QKI: variants seen among roughly 807,000 people sequenced by gnomAD.
QKI encodes KH domain-containing RNA-binding protein QKI.
Under a neutral mutation model 39.0 loss-of-function variants are expected in QKI, and 10 were observed. The ratio of observed to expected loss-of-function variants is 0.26; its 90% CI spans 0.16 to 0.43. The LOEUF (loss-of-function observed/expected upper bound fraction) is 0.43. Ranked by LOEUF, QKI falls within the 20% of genes least tolerant of loss-of-function variation. The probability of loss-of-function intolerance (pLI) is 1.00; values close to 1 mark genes in which losing one functional copy is unlikely to be tolerated. For missense variants in QKI, 218 were observed against 428.0 expected (o/e 0.51, Z 4.33); for synonymous variants, 204 against 155.4 (o/e 1.31, Z -2.33).
chr6:163,474,787 TAAA>T (rs35897463), intron 2 of QKI, among the ~76,000 whole-genome samples: 3,632 of 108,614 alleles, frequency 0.033, 164 homozygotes, highest in African/African-American at 0.12. Flanking sequence ...ACAAAAAAGT[TAAA>T]AAAAAAAAAA....
In QKI at chr6:163,539,529, G is replaced by T. The variant is rs926191455; in HGVS notation, c.546+4404G>T. 3.3e-5 allele frequency among the ~76,000 whole-genome samples: 5 copies of T among 152,122 alleles called. No individual in the cohort carries two copies. In the East Asian group the frequency reaches 9.6e-4, roughly 29 times the overall value. ...ACCTCAGTCATCCAGCCTCATGGTA[G>T]TTCCTTAGACCTTTCCATTACCCCT... On this transcript the variant is annotated intron_variant, in intron 4 of 7. Transcript: ENST00000361752.
chr6:163,475,706 A>C (rs1311750002), intron 2 of QKI, among the ~76,000 whole-genome samples: 1 of 152,226 alleles, frequency 6.6e-6, no homozygotes, highest in Non-Finnish European at 1.5e-5. Flanking sequence ...AAGAAAAGAA[A>C]ATTATAACAC....
intron 5 of QKI, among the ~76,000 whole-genome samples, chr6:163,562,668 A>G (rs1783108045): frequency 6.6e-6 from 1 of 152,216 alleles, no homozygotes; most frequent in Admixed American, 6.5e-5. Flanking sequence ...AATAATGTGA[A>G]ATTTATATTT....
intron 1 of QKI, among the ~76,000 whole-genome samples, chr6:163,430,874 G>A: frequency 6.6e-6 from 1 of 152,178 alleles, no homozygotes; most frequent in South Asian, 2.1e-4. Flanking sequence ...GAAGGGTCCT[G>A]TAGTCCAGGA....
chr6:163,543,585 T>C (rs1176537082), intron 4 of QKI, among the ~76,000 whole-genome samples: 1 of 152,076 alleles, frequency 6.6e-6, no homozygotes, highest in African/African-American at 2.4e-5. Flanking sequence ...TTTTCAAATG[T>C]GAGAGGCGTT....
Position 163,415,988 on chromosome 6 carries a change from G to C in QKI, c.142+653G>C, listed in dbSNP as rs1582940147. 5 of 476,218 alleles carry C rather than the reference G, an allele frequency of 1.0e-5. No homozygotes were observed. In the East Asian group the frequency reaches 3.1e-4, roughly 29 times the overall value. 29.5% of individuals were successfully genotyped at this position (476,218 alleles called of 1,614,324 possible). A position where few individuals can be genotyped will look rare whatever the true frequency, so the allele number is the denominator to read the frequency against. On this transcript the variant is annotated intron_variant, in intron 1 of 7. Transcript: ENST00000361752. Reference sequence around the variant, plus strand: ...AAGGAGGACTAAGTGACGGCGAAAAGCACTTTTTTCCCTTTTGTTTGGGGA... The same window carrying C: ...AAGGAGGACTAAGTGACGGCGAAAACCACTTTTTTCCCTTTTGTTTGGGGA...
Position 163,563,864 on chromosome 6 carries a change from A to T in QKI, c.934+145A>T. The T allele has an allele frequency of 6.9e-7, 1 of 1,442,384 alleles. No individual in the cohort carries two copies. Among genetic ancestry groups the T allele is most frequent in the South Asian group, 1.5e-5 (1 of 66,878 alleles). The allele number at this position is 1,442,384 out of a possible 1,614,324, so 89.3% of individuals were successfully genotyped here. ...CGAAAACTAAATTTTGTTTTATTTC[A>T]GCCTCTCATAAGGGTTCCCCTTTGA... On this transcript the variant is annotated intron_variant, in intron 6 of 7. Coordinates refer to ENST00000361752, the MANE Select transcript of QKI (RefSeq NM_006775.3).
intron 7 of QKI, chr6:163,567,249 T>C (rs983041840): frequency 7.1e-6 from 7 of 987,234 alleles, no homozygotes; most frequent in Non-Finnish European, 8.4e-6. Context: ...AGATTTAGTT[T>C]CCATTTTTCT....
chr6:163,573,868 T>TAAAATAAACAAATAAA lies in QKI; in HGVS notation c.*3158_*3159insAAAATAAACAAATAAA, dbSNP rs1783832479. The TAAAATAAACAAATAAA allele has an allele frequency of 6.6e-6, 1 of 152,242 alleles. No homozygotes were observed. Among genetic ancestry groups the TAAAATAAACAAATAAA allele is most frequent in the Non-Finnish European group, 1.5e-5 (1 of 68,048 alleles). The allele number at this position is 152,242 out of a possible 1,614,324, so 9.4% of individuals were successfully genotyped here. Reference sequence around the variant, plus strand: ...AAATAAACAAATAAAGACAAAAGAATGTAAAGTCTTGAGTTACTGGACTAA... The same window carrying TAAAATAAACAAATAAA: ...AAATAAACAAATAAAGACAAAAGAATAAAATAAACAAATAAAGTAAAGTCTTGAGTTACTGGACTAA... On this transcript the variant is annotated 3_prime_UTR_variant, in exon 8 of 8. Coordinates refer to ENST00000361752, the MANE Select transcript of QKI (RefSeq NM_006775.3).
At chr6:163,427,006 G>A (rs185423376) in intron 1 of QKI, among the ~76,000 whole-genome samples, 1 of 152,000 alleles carries the variant, frequency 6.6e-6, no homozygotes, top group African/African-American at 2.4e-5. Context: ...GCTTTCTGGG[G>A]CACAAGGCTT....
chr6:163,452,662 T>C (rs1416250280), intron 1 of QKI, among the ~76,000 whole-genome samples: 1 of 152,230 alleles, frequency 6.6e-6, no homozygotes, highest in Admixed American at 6.5e-5. Context: ...ACTTAAGTGG[T>C]AAATGGCTTG....
At chr6:163,567,748 C>A in intron 7 of QKI, 1 of 984,714 alleles carries the variant, frequency 1.0e-6, no homozygotes, top group African/African-American at 1.7e-5. Context: ...TTACAAGTTT[C>A]TATTATGGCA....
chr6:163,546,102 G>A (rs933973644), intron 4 of QKI, among the ~76,000 whole-genome samples: 3 of 149,522 alleles, frequency 2.0e-5, no homozygotes, highest in Non-Finnish European at 4.4e-5. Context: ...ATGCATTTTA[G>A]TGTTTGGGGT....
At chr6:163,568,041 GTGA>G in intron 7 of QKI, 1 of 985,376 alleles carries the variant, frequency 1.0e-6, no homozygotes, top group African/African-American at 1.7e-5. Flanking sequence ...TGATTGTTCA[GTGA>G]ACAAAATAGA....
At chr6:163,510,385 C>T (rs1210732136) in intron 3 of QKI, among the ~76,000 whole-genome samples, 1 of 151,666 alleles carries the variant, frequency 6.6e-6, no homozygotes, top group Non-Finnish European at 1.5e-5. Context: ...TTAGTGAAAC[C>T]CTGCCTCTAC....
Position 163,563,712 on chromosome 6 carries a change from T to C in QKI, c.927T>C (p.Gly309=), listed in dbSNP as rs752041213. The C allele has an allele frequency of 1.4e-5, 23 of 1,612,780 alleles. No individual in the cohort carries two copies. The highest frequency in any genetic ancestry group is 1.7e-5 in the Non-Finnish European group (20 of 1,179,156). ...SILEYPIEPS[G]VLGAVATKVR... ...TTGAGTATCCTATTGAACCTAGTGG[T>C]GTATTAGGTAAGTTCTTCTCCCCAT... Residue 309 remains glycine (G), a synonymous_variant, in exon 6 of 8, where the codon GGT becomes GGC. Transcript: ENST00000361752.
chr6:163,452,222 T>TC (rs1369407138), intron 1 of QKI, among the ~76,000 whole-genome samples: 6 of 152,162 alleles, frequency 3.9e-5, no homozygotes, highest in African/African-American at 1.4e-4. Flanking sequence ...TCTACTTTTT[T>TC]CCCCTGTTTA....
chr6:163,547,974 T>C (rs1781994004), intron 4 of QKI, among the ~76,000 whole-genome samples: 2 of 152,186 alleles, frequency 1.3e-5, no homozygotes, highest in African/African-American at 4.8e-5. Context: ...GTGCCTACTT[T>C]TCCAACTTTG....
intron 1 of QKI, among the ~76,000 whole-genome samples, chr6:163,420,569 T>C (rs139208265): frequency 4.5e-4 from 69 of 152,272 alleles, no homozygotes; most frequent in African/African-American, 1.6e-3. Context: ...CAGCTTTTTA[T>C]TTACATGATC....
Sources: gnomAD v4.1 joint callset for allele counts (sites outside exome capture counted in the v4.1 genomes callset) on GRCh38, gnomAD v4.1.1 for gene constraint, MANE v1.5 for transcripts, NCBI Gene and HGNC (gene_info 2026-07-23, HGNC 2026-07-21) for gene names.